Variants in ACOXL observed in about 807,000 individuals in gnomAD.
ACOXL encodes acyl-coenzyme A oxidase-like protein.
ACOXL carries 70 observed loss-of-function variants against 71.9 expected under a neutral mutation model. The ratio of observed to expected loss-of-function variants is 0.97; its 90% CI spans 0.80 to 1.19. The LOEUF (loss-of-function observed/expected upper bound fraction) is 1.19. ACOXL is among the 50% of genes most tolerant of loss of function. The pLI is 0.00. For synonymous variants in ACOXL, 253 were observed against 281.6 expected, an observed-to-expected ratio of 0.90 and a Z score of 1.02; for missense variants, 703 against 736.3, an observed-to-expected ratio of 0.95 and a Z score of 0.52.
intron 8 of ACOXL, 27 bp from the exon 9 acceptor site, chr2:110,805,235 TG>T: frequency 6.2e-7 from 1 of 1,613,338 alleles, no homozygotes; most frequent in South Asian, 1.1e-5. Context: ...CCTGCTTTTT[TG>T]TGAAACCCCA....
At chr2:110,880,839 A>G (rs917522157) in intron 10 of ACOXL, among the ~76,000 whole-genome samples, 1 of 152,192 alleles carries the variant, frequency 6.6e-6, no homozygotes, top group African/African-American at 2.4e-5. Flanking sequence ...ACAAGACTCC[A>G]TCAATGAAAC....
intron 14 of ACOXL, among the ~76,000 whole-genome samples, chr2:111,012,052 T>C (rs917795432): frequency 6.6e-6 from 1 of 151,998 alleles, no homozygotes; most frequent in Non-Finnish European, 1.5e-5. Flanking sequence ...ATGGAAGAAA[T>C]AGACAAATTC....
chr2:110,940,451 C>T (rs1425750460), intron 12 of ACOXL, among the ~76,000 whole-genome samples: 1 of 152,146 alleles, frequency 6.6e-6, no homozygotes, highest in East Asian at 1.9e-4. Flanking sequence ...ATTAATTTGG[C>T]CCTTGAGACT....
At chr2:110,927,864 A>G (rs546533569) in intron 11 of ACOXL, among the ~76,000 whole-genome samples, 4 of 152,222 alleles carry the variant, frequency 2.6e-5, no homozygotes, top group South Asian at 2.1e-4. Flanking sequence ...TGAAACGTAC[A>G]TTTCTGAAGG....
chr2:110,906,537 CAAAA>C (rs368985557), intron 10 of ACOXL, among the ~76,000 whole-genome samples: 125 of 72,156 alleles, frequency 1.7e-3, no homozygotes, highest in East Asian at 3.3e-3. Context: ...GACTCTGTCT[CAAAA>C]AAAAAAAAAA....
intron 17 of ACOXL, among the ~76,000 whole-genome samples, chr2:111,105,990 A>G (rs1249465066): frequency 6.6e-6 from 1 of 152,138 alleles, no homozygotes; most frequent in East Asian, 1.9e-4. Context: ...CTTTGAATAA[A>G]TTTCTTTGGA....
intron 9 of ACOXL, among the ~76,000 whole-genome samples, chr2:110,818,803 G>A (rs1448492777): frequency 6.6e-6 from 1 of 152,078 alleles, no homozygotes; most frequent in Non-Finnish European, 1.5e-5. Context: ...AAAGCAGAGC[G>A]TAAACCTGAA....
At chr2:110,843,901 G>A (rs11123201) in intron 10 of ACOXL, among the ~76,000 whole-genome samples, 56,038 of 152,192 alleles carry the variant, frequency 0.37, 10,543 homozygotes, top group South Asian at 0.53. Flanking sequence ...TGAAAGTGAT[G>A]AGATTGAGGG....
At chr2:110,963,597 G>A in intron 12 of ACOXL, 1 of 1,296,744 alleles carries the variant, frequency 7.7e-7, no homozygotes, top group Non-Finnish European at 9.9e-7. Context: ...GTGTGTGTGT[G>A]TGTGTGTTTT....
At chr2:110,965,353 T>A (rs998056725) in intron 12 of ACOXL, among the ~76,000 whole-genome samples, 1 of 152,210 alleles carries the variant, frequency 6.6e-6, no homozygotes, top group Admixed American at 6.5e-5. Flanking sequence ...CTAGTGGGAT[T>A]GCTGGATCGT....
At chr2:110,818,533 A>G (rs201962819) in intron 9 of ACOXL, among the ~76,000 whole-genome samples, 2 of 121,250 alleles carry the variant, frequency 1.6e-5, no homozygotes, top group African/African-American at 6.1e-5. Context: ...GTATATATAT[A>G]TGTGTATAAG....
At chr2:110,749,762 T>C (rs1351635207) in intron 1 of ACOXL, among the ~76,000 whole-genome samples, 1 of 152,104 alleles carries the variant, frequency 6.6e-6, no homozygotes, top group Non-Finnish European at 1.5e-5. Flanking sequence ...AACTCTAGAC[T>C]TGGTTTGTAT....
At chr2:111,009,568 G>C (rs1194652403) in intron 14 of ACOXL, among the ~76,000 whole-genome samples, 1 of 151,036 alleles carries the variant, frequency 6.6e-6, no homozygotes, top group Non-Finnish European at 1.5e-5. Context: ...GCCAAGATTA[G>C]TGAAAATGAA....
At chr2:110,814,396 TGAACACTTATTAA>T (rs1362453382) in intron 9 of ACOXL, among the ~76,000 whole-genome samples, 1 of 152,134 alleles carries the variant, frequency 6.6e-6, no homozygotes, top group African/African-American at 2.4e-5. Context: ...CCATTTAGAA[TGAACACTTATTAA>T]GTGTGTCCAG....
intron 10 of ACOXL, among the ~76,000 whole-genome samples, chr2:110,906,248 G>A (rs1209278525): frequency 2.0e-5 from 3 of 152,066 alleles, no homozygotes; most frequent in Non-Finnish European, 2.9e-5. Context: ...GTTTAAAATT[G>A]TACTATTGGC....
chr2:111,073,719 G>A (rs1036436197), intron 16 of ACOXL, among the ~76,000 whole-genome samples: 3 of 151,876 alleles, frequency 2.0e-5, no homozygotes, highest in Non-Finnish European at 2.9e-5. Context: ...TTCATCTTTG[G>A]CAAATTGTTT....
intron 17 of ACOXL, chr2:111,093,720 T>C (rs1385764126): frequency 3.9e-6 from 2 of 518,660 alleles, no homozygotes; most frequent in South Asian, 3.0e-5. Flanking sequence ...AAAAATTAGC[T>C]GGGCGTGGTG....
intron 10 of ACOXL, among the ~76,000 whole-genome samples, chr2:110,880,153 C>CAAAAAAAAAA (rs56852121): frequency 1.5e-3 from 128 of 84,324 alleles, no homozygotes; most frequent in Non-Finnish European, 1.8e-3. Context: ...CTGTCACAAA[C>CAAAAAAAAAA]AAAAAAAAAA....
At chr2:111,085,500 G>A (rs2068160415) in intron 16 of ACOXL, among the ~76,000 whole-genome samples, 1 of 152,138 alleles carries the variant, frequency 6.6e-6, no homozygotes, top group African/African-American at 2.4e-5. Flanking sequence ...ATGAAATTAA[G>A]GCAGATTTCA....
Sources: allele counts gnomAD v4.1 joint callset (sites outside exome capture counted in the v4.1 genomes callset), GRCh38; gene constraint gnomAD v4.1.1; transcripts MANE v1.5; gene names NCBI Gene and HGNC (gene_info 2026-07-23, HGNC 2026-07-21).